The following FCHSD2 variants were observed in gnomAD, a reference collection of about 807,000 sequenced individuals.
The protein encoded by FCHSD2 is FCH and double SH3 domains 2.
Under a neutral mutation model 108.1 loss-of-function variants are expected in FCHSD2, and 38 were observed. The ratio of observed to expected loss-of-function variants is 0.35; its 90% confidence interval spans 0.27 to 0.46. The LOEUF (loss-of-function observed/expected upper bound fraction) is 0.46. Ranked by LOEUF, FCHSD2 falls within the 20% of genes least tolerant of loss-of-function variation. The pLI is 1.00. For missense variants in FCHSD2, 751 were observed against 897.8 expected, an observed-to-expected ratio of 0.84 and a Z score of 2.09; for synonymous variants, 279 against 314.7, an observed-to-expected ratio of 0.89 and a Z score of 1.20.
intron 2 of FCHSD2, among the ~76,000 whole-genome samples, chr11:73,110,435 T>C (rs1860456069): frequency 6.6e-6 from 1 of 152,206 alleles, no homozygotes; most frequent in Admixed American, 6.5e-5. Flanking sequence ...TATGTGTCTA[T>C]GAATTATGCA....
intron 8 of FCHSD2, among the ~76,000 whole-genome samples, chr11:72,939,060 G>A (rs1411951545): frequency 6.6e-6 from 1 of 152,030 alleles, no homozygotes; most frequent in African/African-American, 2.4e-5. Flanking sequence ...ACTTTTTTGG[G>A]GGTATATGGT....
At chr11:72,939,600 T>C (rs900648502) in intron 8 of FCHSD2, among the ~76,000 whole-genome samples, 3 of 147,446 alleles carry the variant, frequency 2.0e-5, no homozygotes, top group African/African-American at 7.4e-5. Flanking sequence ...TTGATGGCTC[T>C]TTCTTTTCCT....
At chr11:72,958,563 T>C (rs1272465973) in intron 8 of FCHSD2, among the ~76,000 whole-genome samples, 1 of 152,146 alleles carries the variant, frequency 6.6e-6, no homozygotes, top group Non-Finnish European at 1.5e-5. Context: ...AGTTGTTGGA[T>C]TCTATATGTA....
chr11:73,138,494 T>C (rs535550142), intron 2 of FCHSD2, among the ~76,000 whole-genome samples: 3 of 152,344 alleles, frequency 2.0e-5, no homozygotes, highest in Admixed American at 2.0e-4. Context: ...CCTGAACTGC[T>C]TCTGAAAATG....
chr11:72,847,590 T>C (rs1861179516), intron 14 of FCHSD2, among the ~76,000 whole-genome samples: 2 of 152,180 alleles, frequency 1.3e-5, no homozygotes, highest in Non-Finnish European at 2.9e-5. Flanking sequence ...TGAAAGGACA[T>C]TTTTGTGTCC....
At chr11:73,098,335 T>G (rs1860138912) in intron 2 of FCHSD2, among the ~76,000 whole-genome samples, 1 of 152,198 alleles carries the variant, frequency 6.6e-6, no homozygotes, top group Non-Finnish European at 1.5e-5. Context: ...ATGTTTAATT[T>G]CTACATATTT....
At chr11:72,843,399 A>G (rs1861026050) in intron 15 of FCHSD2, 50 bp downstream of exon 15, 1 of 1,608,222 alleles carries the variant, frequency 6.2e-7, no homozygotes, top group East Asian at 2.2e-5. Flanking sequence ...AGACCAAAAC[A>G]AACTCCTAAA....
chr11:72,992,044 AT>A (rs1857426204), intron 5 of FCHSD2, among the ~76,000 whole-genome samples: 1 of 152,220 alleles, frequency 6.6e-6, no homozygotes, highest in Non-Finnish European at 1.5e-5. Context: ...CCTTAAGCTG[AT>A]AGGCAACTTC....
chr11:73,041,927 ATTAT>A (rs1219815747), intron 3 of FCHSD2, among the ~76,000 whole-genome samples: 2 of 151,748 alleles, frequency 1.3e-5, no homozygotes, highest in South Asian at 2.1e-4. Context: ...TGAGATTATT[ATTAT>A]TTATTTATGT....
At chr11:73,073,705 T>C (rs1204726224) in intron 3 of FCHSD2, among the ~76,000 whole-genome samples, 1 of 152,258 alleles carries the variant, frequency 6.6e-6, no homozygotes, top group Non-Finnish European at 1.5e-5. Context: ...AATTATTCTT[T>C]TTCTATAAAA....
chr11:72,975,489 A>G (rs763595053), intron 8 of FCHSD2, among the ~76,000 whole-genome samples: 3 of 152,180 alleles, frequency 2.0e-5, no homozygotes, highest in African/African-American at 4.8e-5. Context: ...GTATATTCTA[A>G]AACAGGTAGG....
chr11:72,961,989 A>G (rs1856826659), intron 8 of FCHSD2, among the ~76,000 whole-genome samples: 1 of 152,212 alleles, frequency 6.6e-6, no homozygotes, highest in South Asian at 2.1e-4. Context: ...ATACATTTAG[A>G]TAACCCTTAA....
At chr11:72,841,856 T>C (rs543608961) in intron 17 of FCHSD2, among the ~76,000 whole-genome samples, 3 of 152,330 alleles carry the variant, frequency 2.0e-5, no homozygotes, top group African/African-American at 7.2e-5. Context: ...TAGGGTTCTA[T>C]TGAAAATGTA....
intron 9 of FCHSD2, among the ~76,000 whole-genome samples, chr11:72,915,545 G>C (rs888776305): frequency 1.3e-5 from 2 of 151,930 alleles, no homozygotes; most frequent in African/African-American, 4.8e-5. Flanking sequence ...GTACATGGTC[G>C]GGCGTGGTGG....
At chr11:73,023,634 T>A (rs377732924) in intron 3 of FCHSD2, among the ~76,000 whole-genome samples, 2 of 152,194 alleles carry the variant, frequency 1.3e-5, no homozygotes, top group Admixed American at 6.5e-5. Context: ...AAATTTCTTA[T>A]GAACAGAGAC....
intron 3 of FCHSD2, among the ~76,000 whole-genome samples, chr11:73,021,753 A>T (rs570354361): frequency 1.9e-4 from 29 of 152,170 alleles, no homozygotes; most frequent in Non-Finnish European, 3.7e-4. Context: ...TTCTAAAAAA[A>T]CTAGATGCAG....
chr11:72,900,175 T>C (rs548129955), intron 10 of FCHSD2: 5 of 968,984 alleles, frequency 5.2e-6, no homozygotes, highest in South Asian at 3.0e-5. Context: ...ATAACTTTCA[T>C]CCCAACACCA....
chr11:72,875,247 T>TA (rs554621742), intron 12 of FCHSD2, among the ~76,000 whole-genome samples: 7 of 151,970 alleles, frequency 4.6e-5, no homozygotes, highest in Non-Finnish European at 1.0e-4. Context: ...TTTGGTACCT[T>TA]AAAAAAAAGC....
chr11:72,927,491 G>A (rs567576985), intron 8 of FCHSD2, among the ~76,000 whole-genome samples: 1 of 152,304 alleles, frequency 6.6e-6, no homozygotes, highest in South Asian at 2.1e-4. Context: ...GGGGAAGGGA[G>A]TGTAAGGGAA....
Sources: allele counts gnomAD v4.1 joint callset (sites outside exome capture counted in the v4.1 genomes callset), GRCh38; gene constraint gnomAD v4.1.1; transcripts MANE v1.5; gene names NCBI Gene and HGNC (gene_info 2026-07-23, HGNC 2026-07-21).